Variants in CSMD3 observed in about 807,000 individuals in gnomAD.
CSMD3 encodes CUB and sushi domain-containing protein 3.
In CSMD3, 177 loss-of-function variants were observed where a neutral mutation model predicts 435.2. The observed-to-expected ratio is 0.41, with a 90% confidence interval of 0.36 to 0.46. The LOEUF is 0.46. CSMD3 is among the 20% of genes least tolerant of loss of function. The pLI is 0.34. For synonymous variants in CSMD3, 1,656 were observed against 1,520.5 expected (o/e 1.09, Z -2.07); for missense variants, 4,265 against 4,504.6 (o/e 0.95, Z 1.52).
intron 32 of CSMD3, among the ~76,000 whole-genome samples, chr8:112,436,602 G>A (rs1450619421): frequency 6.6e-6 from 1 of 151,548 alleles, no homozygotes; most frequent in Non-Finnish European, 1.5e-5. Context: ...ATACAAAAAA[G>A]TGTATGCATG....
At chr8:112,859,987 G>A (rs976065262) in intron 10 of CSMD3, among the ~76,000 whole-genome samples, 2 of 151,704 alleles carry the variant, frequency 1.3e-5, no homozygotes, top group African/African-American at 4.8e-5. Context: ...TTTCTAATCT[G>A]TCAAAAATAA....
rs1364033400 is a variant in CSMD3 at position 112,573,520 on chromosome 8, G to A, written c.4023C>T (p.Gly1341=). The A allele has an allele frequency of 6.2e-7, 1 of 1,613,344 alleles. No individual in the cohort carries two copies. The highest frequency in any genetic ancestry group is 1.1e-5 in the South Asian group (1 of 91,078). ...ACTTACTGGTATACACAAGTTGAAA[G>A]CCTTCATCTGTCCCTTCAGTATCGG... is the stretch of plus-strand genomic sequence containing the variant. ...FNSDTEGTDE[G]FQLVYTSFEL... is the part of the protein sequence containing the mutation. Residue 1341 remains glycine (G), a synonymous_variant, in exon 24 of 71, where the codon GGC becomes GGT. Transcript: ENST00000297405.
At chr8:112,593,857 G>T (rs1438447946) in intron 22 of CSMD3, among the ~76,000 whole-genome samples, 2 of 152,140 alleles carry the variant, frequency 1.3e-5, no homozygotes, top group Non-Finnish European at 2.9e-5. Context: ...CTATAATATT[G>T]TCTGTAAAGG....
intron 1 of CSMD3, among the ~76,000 whole-genome samples, chr8:113,336,836 AC>A (rs1220238607): frequency 6.6e-6 from 1 of 152,106 alleles, no homozygotes; most frequent in Non-Finnish European, 1.5e-5. Context: ...GGGTCTCATT[AC>A]TGGCCAGCAG....
chr8:112,666,872 C>T (rs926460133), intron 16 of CSMD3, among the ~76,000 whole-genome samples: 5 of 151,976 alleles, frequency 3.3e-5, no homozygotes, highest in Admixed American at 1.3e-4. Context: ...AGCTTTTTAC[C>T]TTATTTCTCA....
At position 112,653,866 on chromosome 8, in the gene CSMD3, G is replaced by C. The variant is rs2131647206; in HGVS notation, c.3004+2288C>G. Among the ~76,000 whole-genome samples, 3 of 152,058 alleles carry C rather than the reference G, an allele frequency of 2.0e-5. No homozygotes were observed. In the Middle Eastern group the frequency reaches 0.01, roughly 521 times the overall value. ...GTAGAGATGGGGTTTCACCATGTTG[G>C]TCAGGCTGGTCTTGAACTCCTGACC... On this transcript the variant is annotated intron_variant, in intron 18 of 70. Transcript: ENST00000297405.
At chr8:112,626,273 G>C (rs1834467579) in intron 22 of CSMD3, among the ~76,000 whole-genome samples, 1 of 151,976 alleles carries the variant, frequency 6.6e-6, no homozygotes, top group Non-Finnish European at 1.5e-5. Flanking sequence ...CCAAACTCAA[G>C]GCCAGTTGGT....
intron 3 of CSMD3, among the ~76,000 whole-genome samples, chr8:113,187,668 T>A (rs919135495): frequency 2.0e-5 from 3 of 151,966 alleles, no homozygotes; most frequent in African/African-American, 7.2e-5. Flanking sequence ...TCTAACATTT[T>A]AAAAAAGAGA....
At chr8:112,765,823 TC>T (rs2077964381) in intron 13 of CSMD3, among the ~76,000 whole-genome samples, 1 of 151,768 alleles carries the variant, frequency 6.6e-6, no homozygotes, top group African/African-American at 2.4e-5. Context: ...GGTATATTTT[TC>T]AGATGCTCGT....
intron 21 of CSMD3, 104 bp downstream of exon 21, chr8:112,638,592 T>C (rs2074730378): frequency 1.3e-6 from 1 of 746,212 alleles, no homozygotes; most frequent in Non-Finnish European, 2.3e-6. Flanking sequence ...ATTTTTCTTC[T>C]CTCCAGCTAT....
rs369450370 is a variant in CSMD3, at chr8:112,304,918, A to G, written c.8072-3T>C. The G allele has an allele frequency of 8.7e-5, 141 of 1,611,526 alleles. No homozygotes were observed. Among genetic ancestry groups the G allele is most frequent in the Admixed American group, 1.8e-4 (11 of 59,808 alleles). ...ATTGATGCTTGGACATGTAACAACTATACAAAAACCAAAGGGTGTAATTGC... is the reference window on the plus strand; with the variant it reads ...ATTGATGCTTGGACATGTAACAACTGTACAAAAACCAAAGGGTGTAATTGC... On this transcript the variant is annotated splice_region_variant and splice_polypyrimidine_tract_variant and intron_variant, in intron 51 of 70. Coordinates refer to ENST00000297405, the MANE Select transcript of CSMD3 (RefSeq NM_198123.2).
intron 7 of CSMD3, among the ~76,000 whole-genome samples, chr8:112,964,449 C>T (rs899666303): frequency 1.3e-5 from 2 of 151,888 alleles, no homozygotes; most frequent in African/African-American, 4.8e-5. Flanking sequence ...ATGAAGACAT[C>T]AACTATCTGA....
At chr8:113,026,611 A>C (rs1450821530) in intron 5 of CSMD3, among the ~76,000 whole-genome samples, 4 of 152,210 alleles carry the variant, frequency 2.6e-5, no homozygotes, top group Non-Finnish European at 5.9e-5. Context: ...ATGCATAGTG[A>C]GTGTATACTG....
At chr8:113,434,873 T>G (rs754000834) in intron 1 of CSMD3, among the ~76,000 whole-genome samples, 1 of 152,078 alleles carries the variant, frequency 6.6e-6, no homozygotes, top group Non-Finnish European at 1.5e-5. Context: ...TTCGGAGACT[T>G]CCCTCCCCCT....
intron 61 of CSMD3, among the ~76,000 whole-genome samples, chr8:112,260,473 A>G (rs1435254257): frequency 6.6e-6 from 1 of 152,186 alleles, no homozygotes; most frequent in African/African-American, 2.4e-5. Context: ...TGAGACAAAG[A>G]TAGCGTTATT....
chr8:112,505,486 G>C (rs544050523), intron 29 of CSMD3, among the ~76,000 whole-genome samples: 5 of 152,178 alleles, frequency 3.3e-5, no homozygotes, highest in African/African-American at 1.2e-4. Flanking sequence ...CTAGAAACAA[G>C]AGCTTTGTAA....
intron 10 of CSMD3, among the ~76,000 whole-genome samples, chr8:112,887,638 G>A (rs929858410): frequency 1.3e-5 from 2 of 150,614 alleles, no homozygotes; most frequent in African/African-American, 4.9e-5. Flanking sequence ...CATTTTCTGT[G>A]TATTATTTTA....
chr8:113,411,303 C>G (rs775040421), intron 1 of CSMD3, among the ~76,000 whole-genome samples: 4 of 152,124 alleles, frequency 2.6e-5, no homozygotes, highest in Non-Finnish European at 5.9e-5. Flanking sequence ...TCCAGAGACA[C>G]TAAGGCCAAT....
intron 13 of CSMD3, among the ~76,000 whole-genome samples, chr8:112,698,343 CAT>C (rs1257423305): frequency 2.0e-5 from 3 of 152,098 alleles, no homozygotes; most frequent in African/African-American, 7.2e-5. Flanking sequence ...GATATACATA[CAT>C]ATGTCATGCA....
Sources: allele counts gnomAD v4.1 joint callset (sites outside exome capture counted in the v4.1 genomes callset), GRCh38; gene constraint gnomAD v4.1.1; transcripts MANE v1.5; gene names NCBI Gene and HGNC (gene_info 2026-07-23, HGNC 2026-07-21).